The following PDZRN3 variants were observed in gnomAD, a reference collection of about 807,000 sequenced individuals.
PDZRN3 encodes PDZ domain containing ring finger 3, also known as E3 ubiquitin-protein ligase PDZRN3.
A neutral mutation model predicts 85.7 loss-of-function variants in PDZRN3; 38 were observed. The observed-to-expected ratio is 0.44, with a 90% CI of 0.34 to 0.58. The LOEUF is 0.58. Ranked by LOEUF, PDZRN3 falls within the 20% of genes least tolerant of loss-of-function variation. PDZRN3 has a pLI of 0.01. For missense variants in PDZRN3, 1,629 were observed against 1,506.4 expected (o/e 1.08, Z -1.35); for synonymous variants, 759 against 638.0 (o/e 1.19, Z -2.86).
At chr3:73,450,716 G>C (rs557746961) in intron 3 of PDZRN3, among the ~76,000 whole-genome samples, 1 of 152,288 alleles carries the variant, frequency 6.6e-6, no homozygotes, top group South Asian at 2.1e-4. Context: ...AACTAGAGTA[G>C]GAAGAGGAGG....
At position 73,624,553 on chromosome 3, in the gene PDZRN3, C is replaced by G. The variant is rs1702936969; in HGVS notation, c.273G>C (p.Arg91=). Residue 91 remains arginine, a synonymous_variant, in exon 1 of 10, where the codon CGG becomes CGC. Coordinates refer to ENST00000263666, the MANE Select transcript of PDZRN3 (RefSeq NM_015009.3). ...KCAYATRGCG[R]VVKLQQLPEH... ...CCGGCAGCTGCTGCAGCTTGACCAC[C>G]CGGCCGCAGCCGCGCGTCGCGTACG... 6.6e-7 allele frequency: 1 copy of G among 1,519,414 alleles called. No individual in the cohort carries two copies. Among genetic ancestry groups the G allele is most frequent in the African/African-American group, 1.4e-5 (1 of 69,512 alleles). 94.1% of individuals were successfully genotyped at this position (1,519,414 alleles called of 1,614,324 possible). A position where few individuals can be genotyped will look rare whatever the true frequency, so the allele number is the denominator to read the frequency against.
At chr3:73,579,491 T>A (rs773483140) in intron 3 of PDZRN3, among the ~76,000 whole-genome samples, 29 of 152,352 alleles carry the variant, frequency 1.9e-4, no homozygotes, top group Non-Finnish European at 4.0e-4. Context: ...CCCTTACAAA[T>A]ACTTTACACT....
intron 3 of PDZRN3, among the ~76,000 whole-genome samples, chr3:73,513,106 G>C (rs1350334830): frequency 6.6e-6 from 1 of 152,182 alleles, no homozygotes; most frequent in African/African-American, 2.4e-5. Context: ...AAGCCAGCCT[G>C]CCAGGGCACT....
chr3:73,393,933 A>AGAG (rs2106700388), intron 5 of PDZRN3, among the ~76,000 whole-genome samples: 1 of 152,338 alleles, frequency 6.6e-6, no homozygotes, highest in African/African-American at 2.4e-5. Flanking sequence ...TTTGATTGAC[A>AGAG]GAGATTTGGA....
At chr3:73,455,502 C>A (rs913618785) in intron 3 of PDZRN3, among the ~76,000 whole-genome samples, 2 of 152,190 alleles carry the variant, frequency 1.3e-5, no homozygotes, top group African/African-American at 4.8e-5. Context: ...AGGCATTGGC[C>A]ATTATGTGCC....
chr3:73,577,318 TTA>T (rs1702140031), intron 3 of PDZRN3, among the ~76,000 whole-genome samples: 2 of 152,200 alleles, frequency 1.3e-5, no homozygotes, highest in Admixed American at 6.5e-5. Flanking sequence ...CTTTACTCAC[TTA>T]TGTTTTACAT....
intron 3 of PDZRN3, among the ~76,000 whole-genome samples, chr3:73,444,237 C>G (rs1019409902): frequency 1.2e-4 from 18 of 152,200 alleles, no homozygotes; most frequent in African/African-American, 3.6e-4. Context: ...TCCTTCCAAT[C>G]CCATGCATAT....
At chr3:73,447,954 T>C (rs1365658174) in intron 3 of PDZRN3, among the ~76,000 whole-genome samples, 2 of 152,208 alleles carry the variant, frequency 1.3e-5, no homozygotes, top group Non-Finnish European at 2.9e-5. Context: ...TACATAAATA[T>C]AGATATGCCC....
chr3:73,592,105 A>C (rs563623459), intron 3 of PDZRN3, among the ~76,000 whole-genome samples: 1 of 152,346 alleles, frequency 6.6e-6, no homozygotes, highest in East Asian at 1.9e-4. Context: ...TATATAAATC[A>C]TCCCCTATCC....
intron 1 of PDZRN3, among the ~76,000 whole-genome samples, chr3:73,614,915 G>T: frequency 6.6e-6 from 1 of 152,140 alleles, no homozygotes; most frequent in Non-Finnish European, 1.5e-5. Flanking sequence ...TCTTGCAGAA[G>T]AACATAAGAG....
chr3:73,448,502 T>C (rs9830965), intron 3 of PDZRN3, among the ~76,000 whole-genome samples: 1,932 of 152,114 alleles, frequency 0.013, 52 homozygotes, highest in African/African-American at 0.045. Flanking sequence ...GTCTGCAGAG[T>C]AGATGGGGAG....
intron 3 of PDZRN3, among the ~76,000 whole-genome samples, chr3:73,479,122 T>C (rs1374658787): frequency 6.6e-6 from 1 of 152,216 alleles, no homozygotes; most frequent in Non-Finnish European, 1.5e-5. Flanking sequence ...TCTGCTCCTT[T>C]GAGCTTAGAC....
At chr3:73,450,226 T>C (rs1299924112) in intron 3 of PDZRN3, among the ~76,000 whole-genome samples, 1 of 152,200 alleles carries the variant, frequency 6.6e-6, no homozygotes, top group African/African-American at 2.4e-5. Flanking sequence ...CATTACTGTG[T>C]TCTACATTGA....
At chr3:73,574,463 G>GGGT (rs1702090888) in intron 3 of PDZRN3, among the ~76,000 whole-genome samples, 2 of 141,536 alleles carry the variant, frequency 1.4e-5, no homozygotes, top group African/African-American at 2.7e-5. Flanking sequence ...GGGGTGGGGG[G>GGGT]GGTGGGGAGG....
chr3:73,413,785 G>A (rs1702021531), intron 3 of PDZRN3, among the ~76,000 whole-genome samples: 1 of 152,154 alleles, frequency 6.6e-6, no homozygotes, highest in South Asian at 2.1e-4. Flanking sequence ...GGAAGGTGAT[G>A]TTCCAGTGAG....
intron 3 of PDZRN3, among the ~76,000 whole-genome samples, chr3:73,413,546 AAAAG>A (rs1276787861): frequency 2.0e-5 from 3 of 152,178 alleles, no homozygotes; most frequent in Non-Finnish European, 4.4e-5. Flanking sequence ...GCAGCTTCCT[AAAAG>A]TTGTGCAGCT....
chr3:73,512,445 A>G (rs1431603562), intron 3 of PDZRN3, among the ~76,000 whole-genome samples: 2 of 152,230 alleles, frequency 1.3e-5, no homozygotes, highest in Admixed American at 6.5e-5. Flanking sequence ...TTAACATTGC[A>G]TATATTTATG....
At chr3:73,500,845 C>G (rs1703964377) in intron 3 of PDZRN3, among the ~76,000 whole-genome samples, 1 of 152,210 alleles carries the variant, frequency 6.6e-6, no homozygotes, top group Non-Finnish European at 1.5e-5. Context: ...TTTCTTCACA[C>G]AGCCTAACTG....
At chr3:73,489,286 A>C (rs1703723960) in intron 3 of PDZRN3, among the ~76,000 whole-genome samples, 1 of 152,330 alleles carries the variant, frequency 6.6e-6, no homozygotes, top group African/African-American at 2.4e-5. Context: ...TTATATTTTC[A>C]TATCTTTAAT....
Sources: allele counts gnomAD v4.1 joint callset (sites outside exome capture counted in the v4.1 genomes callset), GRCh38; gene constraint gnomAD v4.1.1; transcripts MANE v1.5; gene names NCBI Gene and HGNC (gene_info 2026-07-23, HGNC 2026-07-21).